Variants in BTBD9 observed in about 807,000 individuals in gnomAD.
BTBD9 encodes BTB/POZ domain-containing protein 9.
BTBD9 carries 49 observed loss-of-function variants against 64.3 expected under a neutral mutation model. The observed-to-expected ratio is 0.76, with a 90% CI of 0.61 to 0.97. The LOEUF (loss-of-function observed/expected upper bound fraction) is 0.97. Ranked by LOEUF, BTBD9 falls within the 50% of genes least tolerant of loss-of-function variation. The pLI is 0.00. For missense variants in BTBD9, 598 were observed against 762.1 expected (o/e 0.78, Z 2.53); for synonymous variants, 260 against 274.7 (o/e 0.95, Z 0.53).
At chr6:38,407,577 A>C (rs552298886) in intron 6 of BTBD9, among the ~76,000 whole-genome samples, 2 of 152,268 alleles carry the variant, frequency 1.3e-5, no homozygotes, top group East Asian at 1.9e-4. Context: ...CATGCATTTA[A>C]TAAAAGTCAT....
chr6:38,289,590 T>G (rs1437665102), intron 7 of BTBD9, among the ~76,000 whole-genome samples: 1 of 152,242 alleles, frequency 6.6e-6, no homozygotes. Context: ...GAAAGTGATC[T>G]GAGACCTGGT....
At chr6:38,510,775 G>C (rs569282819) in intron 6 of BTBD9, among the ~76,000 whole-genome samples, 1 of 152,152 alleles carries the variant, frequency 6.6e-6, no homozygotes, top group African/African-American at 2.4e-5. Context: ...ACTGGGTTAG[G>C]ATCATCAATA....
chr6:38,285,256 A>G (rs12527432), intron 8 of BTBD9, among the ~76,000 whole-genome samples: 9,734 of 152,186 alleles, frequency 0.064, 855 homozygotes, highest in East Asian at 0.4. Context: ...TGGGACACAG[A>G]AGAGGGGAAG....
intron 6 of BTBD9, among the ~76,000 whole-genome samples, chr6:38,442,469 C>CA (rs1562193551): frequency 1.3e-5 from 2 of 150,492 alleles, no homozygotes; most frequent in African/African-American, 2.4e-5. Context: ...GACTTCATCT[C>CA]AAAAAAAAGT....
intron 6 of BTBD9, among the ~76,000 whole-genome samples, chr6:38,563,943 G>A: frequency 6.6e-6 from 1 of 151,874 alleles, no homozygotes; most frequent in East Asian, 1.9e-4. Flanking sequence ...CACCACGCCT[G>A]GCTAACTTTT....
chr6:38,549,041 T>C (rs916751464), intron 6 of BTBD9, among the ~76,000 whole-genome samples: 1 of 152,358 alleles, frequency 6.6e-6, no homozygotes. Flanking sequence ...AGCCTCTCAG[T>C]ATAAATAAGT....
intron 10 of BTBD9, among the ~76,000 whole-genome samples, chr6:38,189,449 G>A (rs897446505): frequency 6.6e-6 from 1 of 152,200 alleles, no homozygotes; most frequent in African/African-American, 2.4e-5. Flanking sequence ...TTCTCTGAGG[G>A]TTTGCTGTAT....
chr6:38,476,561 A>G (rs546060340), intron 6 of BTBD9, among the ~76,000 whole-genome samples: 2 of 152,354 alleles, frequency 1.3e-5, no homozygotes, highest in South Asian at 2.1e-4. Flanking sequence ...TACTGTCCAA[A>G]TTCTGGCATT....
chr6:38,170,924 A>AGGG lies in BTBD9; in HGVS notation c.*4060_*4061insCCC, dbSNP rs1766729741. ...CGCTCGGAGGAGCTGGTCACCACAT[A>AGGG]GAAGGTAAGATTAAAATAATAACAC... On this transcript the variant is annotated 3_prime_UTR_variant, in exon 11 of 11. Transcript: ENST00000481247. 6.6e-6 allele frequency: 1 copy of AGGG among 152,256 alleles called. No homozygotes were observed. The highest frequency in any genetic ancestry group is 1.5e-5 in the Non-Finnish European group (1 of 68,046). The allele number at this position is 152,256 out of a possible 1,614,324, so 9.4% of individuals were successfully genotyped here. A position where few individuals can be genotyped will look rare whatever the true frequency, so the allele number is the denominator to read the frequency against.
chr6:38,219,301 A>T (rs952785858), intron 9 of BTBD9, among the ~76,000 whole-genome samples: 1 of 136,748 alleles, frequency 7.3e-6, no homozygotes, highest in Non-Finnish European at 1.6e-5. Flanking sequence ...CACCCAGCTA[A>T]TTTTTTTTTT....
At chr6:38,285,225 T>C (rs1312502366) in intron 8 of BTBD9, among the ~76,000 whole-genome samples, 4 of 152,156 alleles carry the variant, frequency 2.6e-5, no homozygotes, top group African/African-American at 9.7e-5. Context: ...AAACAACTAT[T>C]GTGCAACTAT....
At chr6:38,388,933 T>C (rs1766295571) in intron 6 of BTBD9, among the ~76,000 whole-genome samples, 1 of 152,204 alleles carries the variant, frequency 6.6e-6, no homozygotes, top group Admixed American at 6.5e-5. Context: ...AGTATTGTTA[T>C]ACCACAGGTT....
chr6:38,267,098 G>A (rs571517354), intron 8 of BTBD9, among the ~76,000 whole-genome samples: 1 of 152,364 alleles, frequency 6.6e-6, no homozygotes, highest in Admixed American at 6.5e-5. Flanking sequence ...TGTGTGAGAG[G>A]CAGAAATGCC....
chr6:38,592,731 T>TCAGCATGATTC lies in BTBD9; in HGVS notation c.648_658dup (p.Glu220GlyfsTer15). On this transcript the variant is annotated frameshift_variant, in exon 4 of 11. Transcript: ENST00000481247. LOFTEE classifies it high-confidence loss of function. ...AGGTAAACGCACAGCCTGCATGATT[T>TCAGCATGATTC]CAGCATGATTCTCCTTTGAATTGTG... The TCAGCATGATTC allele has an allele frequency of 6.2e-7, 1 of 1,614,238 alleles. No homozygotes were observed. The highest frequency in any genetic ancestry group is 8.5e-7 in the Non-Finnish European group (1 of 1,180,028).
At chr6:38,187,152 G>C (rs957834065) in intron 10 of BTBD9, among the ~76,000 whole-genome samples, 6 of 152,228 alleles carry the variant, frequency 3.9e-5, no homozygotes, top group African/African-American at 1.4e-4. Flanking sequence ...GTGTGGCTCT[G>C]AGCACAGTCT....
chr6:38,183,392 T>C (rs902347963), intron 10 of BTBD9, among the ~76,000 whole-genome samples: 1 of 152,250 alleles, frequency 6.6e-6, no homozygotes, highest in East Asian at 1.9e-4. Context: ...CAAAGGCAAG[T>C]GTCCTGAGAG....
intron 7 of BTBD9, among the ~76,000 whole-genome samples, chr6:38,331,026 C>CA (rs528145677): frequency 1.4e-4 from 21 of 151,182 alleles, no homozygotes; most frequent in African/African-American, 3.9e-4. Flanking sequence ...AATCAGATGA[C>CA]AAAAAAAATG....
chr6:38,182,573 G>C (rs886270919), intron 10 of BTBD9, among the ~76,000 whole-genome samples: 1 of 152,172 alleles, frequency 6.6e-6, no homozygotes, highest in African/African-American at 2.4e-5. Context: ...TCCCCACAGG[G>C]CTGGCCCATG....
intron 6 of BTBD9, among the ~76,000 whole-genome samples, chr6:38,518,403 T>C (rs1480351354): frequency 6.6e-6 from 1 of 152,244 alleles, no homozygotes; most frequent in African/African-American, 2.4e-5. Context: ...CGAGTGATAA[T>C]TTCAACTGGT....
Sources: allele counts gnomAD v4.1 joint callset (sites outside exome capture counted in the v4.1 genomes callset), GRCh38; gene constraint gnomAD v4.1.1; transcripts MANE v1.5; gene names NCBI Gene and HGNC (gene_info 2026-07-23, HGNC 2026-07-21).